Variants in SENP2 observed in about 807,000 individuals in gnomAD.
The protein encoded by SENP2 is sentrin-specific protease 2.
A neutral mutation model predicts 86.3 loss-of-function variants in SENP2; 16 were observed. That is an observed-to-expected ratio of 0.19 (90% CI 0.13 to 0.28). The LOEUF (loss-of-function observed/expected upper bound fraction) is 0.28, where lower values mean the gene tolerates loss of function less well. Among genes scored for constraint, SENP2 ranks in the 10% least tolerant of loss-of-function variants. The pLI, the probability that SENP2 is intolerant of heterozygous loss-of-function variation, is 1.00. For missense variants in SENP2, 552 were observed against 703.0 expected, an observed-to-expected ratio of 0.79 and a Z score of 2.43; for synonymous variants, 222 against 238.7, an observed-to-expected ratio of 0.93 and a Z score of 0.64.
intron 11 of SENP2, among the ~76,000 whole-genome samples, chr3:185,616,361 A>T (rs1014846798): frequency 1.3e-5 from 2 of 150,836 alleles, no homozygotes; most frequent in South Asian, 4.2e-4. Context: ...ATTCCAGCTA[A>T]TCAGGAGACT....
intron 2 of SENP2, among the ~76,000 whole-genome samples, chr3:185,592,253 G>A (rs35917986): frequency 0.38 from 57,571 of 150,740 alleles, 11,239 homozygotes; most frequent in South Asian, 0.56. Flanking sequence ...AAATTATTTT[G>A]TATGTGGATA....
intron 16 of SENP2, among the ~76,000 whole-genome samples, chr3:185,627,841 A>G (rs74568138): frequency 0.019 from 2,870 of 152,340 alleles, 96 homozygotes; most frequent in African/African-American, 0.066. Flanking sequence ...TCATTAAAGA[A>G]TATTTTTCAT....
intron 2 of SENP2, among the ~76,000 whole-genome samples, chr3:185,597,439 G>A (rs1170465537): frequency 2.0e-5 from 3 of 151,886 alleles, no homozygotes; most frequent in African/African-American, 4.8e-5. Context: ...TGCAACCTCC[G>A]CCTCCCAGGT....
chr3:185,590,027 A>T lies in SENP2; in HGVS notation c.102-87A>T. 5 of 657,582 alleles carry T rather than the reference A, an allele frequency of 7.6e-6. No individual in the cohort carries two copies. In the South Asian group the frequency reaches 9.0e-5, roughly 12 times the overall value. 40.7% of individuals were successfully genotyped at this position (657,582 alleles called of 1,614,324 possible). A position where few individuals can be genotyped will look rare whatever the true frequency, so the allele number is the denominator to read the frequency against. ...TTTATGACAAAGTGATAGAAGGGGGATGTGTTATATGAATAGTAAGTTTAC... is the reference window on the plus strand; with the variant it reads ...TTTATGACAAAGTGATAGAAGGGGGTTGTGTTATATGAATAGTAAGTTTAC... On this transcript the variant is annotated intron_variant, in intron 1 of 16. Transcript: ENST00000296257.
intron 2 of SENP2, among the ~76,000 whole-genome samples, chr3:185,596,851 ATTTATTTG>A (rs1010609271): frequency 5.9e-5 from 9 of 151,838 alleles, no homozygotes; most frequent in African/African-American, 1.9e-4. Context: ...TTATTTATTT[ATTTATTTG>A]TTTATTTTTT....
rs894888238 is a variant in SENP2 at position 185,630,099 on chromosome 3, T to C, written c.*255T>C. 2.5e-5 allele frequency: 9 copies of C among 365,486 alleles called. No individual in the cohort carries two copies. The highest frequency in any genetic ancestry group is 1.8e-4 in the African/African-American group (9 of 50,308). The allele number at this position is 365,486 out of a possible 1,614,324, so 22.6% of individuals were successfully genotyped here. On this transcript the variant is annotated 3_prime_UTR_variant, in exon 17 of 17. Coordinates refer to ENST00000296257, the MANE Select transcript of SENP2 (RefSeq NM_021627.3). ...AACCCACACAAGAACAAACGCTAAC[T>C]AATATTTTTTTTAAGAGATTCTTTT...
Position 185,620,785 on chromosome 3 carries a change from A to G in SENP2, c.1447-1041A>G, listed in dbSNP as rs541790442. ...AACAGGAAAGAGTCTTAGTATGCATAAGGGTTATTTATATTTATTTAGTTT... is the reference window on the plus strand; with the variant it reads ...AACAGGAAAGAGTCTTAGTATGCATGAGGGTTATTTATATTTATTTAGTTT... On this transcript the variant is annotated intron_variant, in intron 13 of 16. Transcript: ENST00000296257. 4.6e-5 allele frequency among the ~76,000 whole-genome samples: 7 copies of G among 151,998 alleles called. No homozygotes were observed. The South Asian group carries it at 1.5e-3, about 32-fold the overall frequency.
intron 3 of SENP2, 151 bp downstream of exon 3, chr3:185,598,696 T>G (rs1275795766): frequency 1.3e-6 from 1 of 790,662 alleles, no homozygotes; most frequent in Non-Finnish European, 1.9e-6. Flanking sequence ...GGCCAAGAAA[T>G]TAAAGGTTAA....
chr3:185,605,955 T>C (rs1445195803), intron 5 of SENP2, among the ~76,000 whole-genome samples: 1 of 152,204 alleles, frequency 6.6e-6, no homozygotes, highest in African/African-American at 2.4e-5. Context: ...GTGTGGAATA[T>C]AGACATTAAA....
In SENP2 at chr3:185,622,223, A is replaced by G. The variant is rs935922682; in HGVS notation, c.1526+318A>G. Among the ~76,000 whole-genome samples the G allele has an allele frequency of 2.6e-5, 4 of 152,282 alleles. No homozygotes were observed. In the East Asian group the frequency reaches 5.8e-4, roughly 22 times the overall value. ...TTAGTTGGGGAGTGCTAGTCCTCTCAATTCTTAAGCCCATTTGTATCTTTA... is the reference window on the plus strand; with the variant it reads ...TTAGTTGGGGAGTGCTAGTCCTCTCGATTCTTAAGCCCATTTGTATCTTTA... On this transcript the variant is annotated intron_variant, in intron 14 of 16. Coordinates refer to ENST00000296257, the MANE Select transcript of SENP2 (RefSeq NM_021627.3).
intron 9 of SENP2, 71 bp from the exon 10 acceptor site, chr3:185,613,274 T>A: frequency 1.1e-6 from 1 of 899,838 alleles, no homozygotes; most frequent in Non-Finnish European, 1.8e-6. Context: ...GAAATCTTAT[T>A]TCTAAAACTA....
At position 185,586,478 on chromosome 3, in the gene SENP2, C is replaced by T; in HGVS notation, c.65C>T (p.Pro22Leu). Residue 22 changes from proline to leucine, a missense_variant, in exon 1 of 17, where the codon CCT becomes CTT. Physicochemically the swap from Pro to Leu is moderately conservative, Grantham distance 98. Coordinates refer to ENST00000296257, the MANE Select transcript of SENP2 (RefSeq NM_021627.3). This position sits in a 1 kb window ranked among gnomAD's most constrained non-coding sequence, Gnocchi z 4.3. Reference sequence around the variant, plus strand: ...CGTTTCTGCGACCGGTCGGTGCCCCCTGCCCGGGCCCTCCTGAAGAGGCGG... The same window carrying T: ...CGTTTCTGCGACCGGTCGGTGCCCCTTGCCCGGGCCCTCCTGAAGAGGCGG... The part of the protein sequence containing the change: ...IFRFCDRSVP[P>L]ARALLKRRRS... The T allele has an allele frequency of 6.2e-7, 1 of 1,613,852 alleles. No homozygotes were observed. Among genetic ancestry groups the T allele is most frequent in the East Asian group, 2.2e-5 (1 of 44,884 alleles).
intron 6 of SENP2, 193 bp from the exon 7 acceptor site, chr3:185,609,054 A>C (rs544989727): frequency 3.8e-5 from 19 of 495,426 alleles, no homozygotes; most frequent in African/African-American, 3.5e-4. Flanking sequence ...GGATAGCCCT[A>C]CATATAGATT....
intron 5 of SENP2, among the ~76,000 whole-genome samples, chr3:185,604,435 C>T (rs1317753079): frequency 6.6e-6 from 1 of 152,130 alleles, no homozygotes; most frequent in Non-Finnish European, 1.5e-5. Flanking sequence ...AATGTCAGGT[C>T]AGGTTGGTTG....
At chr3:185,612,687 T>C (rs1031218747) in intron 9 of SENP2, 29 bp downstream of exon 9, 3 of 1,474,788 alleles carry the variant, frequency 2.0e-6, no homozygotes, top group Admixed American at 3.5e-5. Context: ...TTCTACACTT[T>C]CTTTTAATAT....
intron 16 of SENP2, among the ~76,000 whole-genome samples, chr3:185,626,948 G>T (rs969608778): frequency 6.6e-6 from 1 of 151,840 alleles, no homozygotes. Flanking sequence ...GGTGGTGCAT[G>T]CCTGTAATCC....
intron 10 of SENP2, 90 bp downstream of exon 10, chr3:185,613,498 T>C: frequency 1.3e-6 from 1 of 761,284 alleles, no homozygotes; most frequent in South Asian, 1.8e-5. Context: ...AGTATATATA[T>C]ATAACTTTGA....
intron 5 of SENP2, among the ~76,000 whole-genome samples, chr3:185,601,723 C>T (rs566782204): frequency 4.0e-5 from 6 of 151,042 alleles, no homozygotes; most frequent in East Asian, 2.0e-4. Context: ...CTGCAGCCTC[C>T]GCCTCCTGGG....
At chr3:185,621,800 C>G (rs1199182506) in intron 13 of SENP2, 26 bp from the exon 14 acceptor site, 1 of 1,381,620 alleles carries the variant, frequency 7.2e-7, no homozygotes, top group Non-Finnish European at 1.0e-6. Flanking sequence ...TAAGATGTTT[C>G]TGGATGTTAT....
Sources: gnomAD v4.1 joint callset for allele counts (sites outside exome capture counted in the v4.1 genomes callset) on GRCh38, gnomAD v4.1.1 for gene constraint, Gnocchi (gnomAD v3.1) non-coding constraint, MANE v1.5 for transcripts, NCBI Gene and HGNC (gene_info 2026-07-23, HGNC 2026-07-21) for gene names.